Variants in ZNF512B observed in about 807,000 individuals in gnomAD.
The protein encoded by ZNF512B is zinc finger protein 512B.
ZNF512B carries 22 observed loss-of-function variants against 87.8 expected under a neutral mutation model. That is an observed-to-expected ratio of 0.25 (90% CI 0.18 to 0.36). The LOEUF (loss-of-function observed/expected upper bound fraction) is 0.36, where lower values mean the gene tolerates loss of function less well. ZNF512B is among the 10% of genes least tolerant of loss of function. ZNF512B has a pLI of 1.00. For missense variants in ZNF512B, 1,060 were observed against 1,231.6 expected, an observed-to-expected ratio of 0.86 and a Z score of 2.09; for synonymous variants, 524 against 490.9, an observed-to-expected ratio of 1.07 and a Z score of -0.89.
In ZNF512B at chr20:63,963,128, G is replaced by A. The variant is rs571917111; in HGVS notation, c.1935C>T (p.His645=). Residue 645 remains histidine (H), a synonymous_variant, in exon 12 of 17, where the codon CAC becomes CAT. Transcript: ENST00000369888. ...CGKTYRSKAG[H]DYHVRSEHTA... The stretch of plus-strand genomic sequence containing the variant: ...TGTGCTCCGAGCGCACGTGGTAGTC[G>A]TGGCCAGCCTTGGATCGGTACGTCT... The A allele has an allele frequency of 1.7e-5, 27 of 1,558,808 alleles. No homozygotes were observed. Among genetic ancestry groups the A allele is most frequent in the South Asian group, 1.3e-4 (11 of 85,702 alleles).
In ZNF512B at chr20:63,963,853, G is replaced by A. The variant is rs769202233; in HGVS notation, c.1541C>T (p.Thr514Ile). The change falls in exon 9 of 17, where the codon ACC (threonine) becomes ATC (isoleucine). Residue 514 changes from threonine (T) to isoleucine (I), a missense_variant. By Grantham distance (89) the Thr-to-Ile change is moderately conservative. Coordinates refer to ENST00000369888, the MANE Select transcript of ZNF512B (RefSeq NM_020713.3). ...AGTCTTCCGGGTGACCACGTTGCAG[G>A]TGGGGCAGACGGCTTCCCCGCGCTC... ...IHERGEAVCP[T>I]CNVVTRKTLV... The A allele has an allele frequency of 1.9e-6, 3 of 1,612,760 alleles. No homozygotes were observed. Among genetic ancestry groups the A allele is most frequent in the East Asian group, 2.2e-5 (1 of 44,884 alleles).
intron 10 of ZNF512B, 69 bp downstream of exon 10, chr20:63,963,549 G>A: frequency 6.3e-7 from 1 of 1,599,574 alleles, no homozygotes; most frequent in Admixed American, 1.7e-5. Context: ...AGAAACCGGG[G>A]GCACTGCGGT....
rs1333589803 is a variant in ZNF512B, at chr20:63,963,828, A to G, written c.1566T>C (p.Thr522=). 1 of 1,612,664 alleles carries G rather than the reference A, an allele frequency of 6.2e-7. No individual in the cohort carries two copies. The highest frequency in any genetic ancestry group is 1.3e-5 in the African/African-American group (1 of 74,908). Residue 522 remains threonine, a synonymous_variant, in exon 9 of 17, where the codon ACT becomes ACC. Coordinates refer to ENST00000369888, the MANE Select transcript of ZNF512B (RefSeq NM_020713.3). ...CPTCNVVTRK[T]LVGLKKHMEV... ...CCATGTGCTTCTTAAGCCCCACGAG[A>G]GTCTTCCGGGTGACCACGTTGCAGG...
In ZNF512B at chr20:63,961,158, G is replaced by C; in HGVS notation, c.2427+151C>G. 1.4e-6 allele frequency: 1 copy of C among 708,700 alleles called. No homozygotes were observed. 43.9% of individuals were successfully genotyped at this position (708,700 alleles called of 1,614,324 possible). On this transcript the variant is annotated intron_variant, in intron 16 of 16. Coordinates refer to ENST00000369888, the MANE Select transcript of ZNF512B (RefSeq NM_020713.3). This position sits in a 1 kb window ranked among gnomAD's most constrained non-coding sequence, Gnocchi z 6.4. ...CAGGGAAGCCAGACCCCACTTTGAG[G>C]AGAAACTACCAGATTTCTCCACATT...
chr20:63,964,449 C>T (rs371931420), intron 6 of ZNF512B, 41 bp downstream of exon 6: 26 of 1,613,314 alleles, frequency 1.6e-5, no homozygotes, highest in Middle Eastern at 1.6e-4. Context: ...GTCAGGAGGC[C>T]GAGCCTGCCC....
At chr20:63,967,649 C>T in intron 2 of ZNF512B, 126 bp from the exon 3 acceptor site, 1 of 1,484,526 alleles carries the variant, frequency 6.7e-7, no homozygotes, top group Non-Finnish European at 9.0e-7. Flanking sequence ...CTGCGGCCAG[C>T]TGAGGACAAG....
rs140273033 is a variant in ZNF512B at position 63,960,116 on chromosome 20, G to T, written c.2451C>A (p.Asp817Glu). ...HAENWFRTSA[D>E]PPPKHRSQDS... ...CCTGGCTCCTGTGTTTGGGAGGTGGGTCTGCTGATGTTCGGAACCAGTTCT... is the reference window on the plus strand; with the variant it reads ...CCTGGCTCCTGTGTTTGGGAGGTGGTTCTGCTGATGTTCGGAACCAGTTCT... The change falls in exon 17 of 17, where the codon GAC becomes GAA. Residue 817 changes from aspartate (D) to glutamate (E), a missense_variant. This residue lies in a region of ZNF512B where 253 missense variants were observed against 259.2 expected (regional missense o/e 0.98). Coordinates refer to ENST00000369888, the MANE Select transcript of ZNF512B (RefSeq NM_020713.3). The T allele has an allele frequency of 3.1e-6, 5 of 1,613,790 alleles. No homozygotes were observed. The South Asian group carries it at 3.3e-5, about 11-fold the overall frequency.
chr20:63,960,183 G>A (rs1368057991), intron 16 of ZNF512B, 44 bp from the exon 17 acceptor site: 8 of 1,606,524 alleles, frequency 5.0e-6, no homozygotes, highest in East Asian at 2.2e-5. Context: ...ACTGGATGCT[G>A]AGCACCTGAG....
chr20:63,966,670 G>A lies in ZNF512B; in HGVS notation c.505C>T (p.Pro169Ser), dbSNP rs1214986207. ...RIWNHMDRPL[P>S]ASKPGPISRP... is the part of the protein sequence containing the mutation. ...CTGATGGGCCCAGGCTTGGAGGCAG[G>A]CAGGGGTCGGTCCATGTGGTTCCAG... is the stretch of plus-strand genomic sequence containing the variant. The change falls in exon 5 of 17, where the codon CCT (proline) becomes TCT (serine). Residue 169 changes from proline (P) to serine (S), a missense_variant. Around this residue, in one of 9 missense-constraint regions of ZNF512B, gnomAD observed 201 missense variants for 226.8 expected, o/e 0.89. Transcript: ENST00000369888. 1 of 1,613,098 alleles carries A rather than the reference G, an allele frequency of 6.2e-7. No individual in the cohort carries two copies. Among genetic ancestry groups the A allele is most frequent in the South Asian group, 1.1e-5 (1 of 91,062 alleles).
Position 63,966,286 on chromosome 20 carries a change from T to G in ZNF512B, c.889A>C (p.Ser297Arg). 1 of 1,612,776 alleles carries G rather than the reference T, an allele frequency of 6.2e-7. No homozygotes were observed. Among genetic ancestry groups the G allele is most frequent in the Non-Finnish European group, 8.5e-7 (1 of 1,179,282 alleles). ...GGCTTGCTGACCACAATGGGCCTGC[T>G]GACTGTCACTGGCTTGGTGACCGGC... ...PVPVTKPVTVSRPIVVSKPVT... is the reference protein window; with the variant it reads ...PVPVTKPVTVRRPIVVSKPVT... Residue 297 changes from serine to arginine, a missense_variant, in exon 5 of 17, where the codon AGC (serine) becomes CGC (arginine). Coordinates refer to ENST00000369888, the MANE Select transcript of ZNF512B (RefSeq NM_020713.3).
intron 2 of ZNF512B, 103 bp from the exon 3 acceptor site, chr20:63,967,626 C>G (rs1317526189): frequency 2.0e-6 from 3 of 1,495,380 alleles, no homozygotes; most frequent in Non-Finnish European, 2.7e-6. Flanking sequence ...CACGAGGGCA[C>G]CGGGGGCAGG....
rs540039560 is a variant in ZNF512B, at chr20:63,966,155, G to A, written c.1020C>T (p.Asn340=). ...AGCCCCCATACCTTTTCTTACCACT[G>A]TTCCTCCCTGTGGCACGAGGTGCTT... ...ENKAPRATGR[N]SGKKRAADSL... is the part of the protein sequence containing the mutation. Residue 340 remains asparagine (N), a synonymous_variant, in exon 5 of 17, where the codon AAC becomes AAT. Coordinates refer to ENST00000369888, the MANE Select transcript of ZNF512B (RefSeq NM_020713.3). 1 of 1,602,320 alleles carries A rather than the reference G, an allele frequency of 6.2e-7. No individual in the cohort carries two copies. The highest frequency in any genetic ancestry group is 1.1e-5 in the South Asian group (1 of 90,534).
intron 12 of ZNF512B, 29 bp downstream of exon 12, chr20:63,963,066 A>G (rs1173284751): frequency 1.3e-6 from 2 of 1,523,780 alleles, no homozygotes; most frequent in East Asian, 2.4e-5. Flanking sequence ...AGGAACAAGC[A>G]CTGTGCCACA....
chr20:63,968,092 G>A (rs1470343057), intron 1 of ZNF512B, 140 bp from the exon 2 acceptor site: 1 of 1,134,802 alleles, frequency 8.8e-7, no homozygotes, highest in African/African-American at 1.6e-5. Flanking sequence ...TTGTTCACGT[G>A]GGAAAAGCAA....
chr20:63,963,195 C>T lies in ZNF512B; in HGVS notation c.1868G>A (p.Cys623Tyr). The T allele has an allele frequency of 6.5e-7, 1 of 1,547,450 alleles. No homozygotes were observed. The highest frequency in any genetic ancestry group is 8.7e-7 in the Non-Finnish European group (1 of 1,150,822). ...GGGGAAGGAGGGGCTGTCCACCTCG[C>T]AGGGCGGCTTCCCGCAGCGCCGCTG... is the stretch of plus-strand genomic sequence containing the variant. The part of the protein sequence containing the change: ...YHQRRCGKPP[C>Y]EVDSPSFPCT... Residue 623 changes from cysteine (C) to tyrosine (Y), a missense_variant, in exon 12 of 17, where the codon TGC becomes TAC. Around this residue, in one of 9 missense-constraint regions of ZNF512B, gnomAD observed 165 missense variants for 173.0 expected, o/e 0.95. Transcript: ENST00000369888.
Position 63,966,233 on chromosome 20 carries a change from G to A in ZNF512B, c.942C>T (p.Ile314=). The stretch of plus-strand genomic sequence containing the variant: ...TTTTGCAGGGCGGTGTGTGTCTGCT[G>A]ATAGCAATGGGCCTGCTGACTGTCA... ...KPVTVSRPIA[I]SRHTPPCKMV... is the part of the protein sequence containing the mutation. Residue 314 remains isoleucine, a synonymous_variant, in exon 5 of 17, where the codon ATC becomes ATT. Coordinates refer to ENST00000369888, the MANE Select transcript of ZNF512B (RefSeq NM_020713.3). 6.2e-7 allele frequency: 1 copy of A among 1,614,016 alleles called. No individual in the cohort carries two copies.
At position 63,960,107 on chromosome 20, in the gene ZNF512B, G is replaced by C. The variant is rs45570933; in HGVS notation, c.2460C>G (p.Pro820=). ...NWFRTSADPP[P]KHRSQDSLVP... ...CCAATGAGTCCTGGCTCCTGTGTTT[G>C]GGAGGTGGGTCTGCTGATGTTCGGA... The change falls in exon 17 of 17, where the codon CCC becomes CCG. Residue 820 remains proline (P), a synonymous_variant. Coordinates refer to ENST00000369888, the MANE Select transcript of ZNF512B (RefSeq NM_020713.3). 1 of 1,613,868 alleles carries C rather than the reference G, an allele frequency of 6.2e-7. No individual in the cohort carries two copies.
At position 63,957,768 on chromosome 20, in the gene ZNF512B, C is replaced by T. The variant is rs575380024; in HGVS notation, c.*2120G>A. 1 of 152,534 alleles carries T rather than the reference C, an allele frequency of 6.6e-6. No individual in the cohort carries two copies. The highest frequency in any genetic ancestry group is 2.4e-5 in the African/African-American group (1 of 41,544). 9.4% of individuals were successfully genotyped at this position (152,534 alleles called of 1,614,324 possible). On this transcript the variant is annotated 3_prime_UTR_variant, in exon 17 of 17. Transcript: ENST00000369888. The stretch of plus-strand genomic sequence containing the variant: ...TGCAGGTGTTCAGGTCCACCCTCCT[C>T]CCGCCATTGGTGGCAAGGACAAAGT...
intron 10 of ZNF512B, 86 bp downstream of exon 10, chr20:63,963,532 C>A (rs933342992): frequency 2.6e-5 from 41 of 1,593,278 alleles, no homozygotes; most frequent in Middle Eastern, 4.2e-4. Context: ...CACCGTTGTC[C>A]GAGGTTAGAA....
Sources: gnomAD v4.1 joint callset for allele counts on GRCh38, gnomAD v4.1.1 for gene constraint, gnomAD v4.1.1 regional missense constraint, Gnocchi (gnomAD v3.1) non-coding constraint, MANE v1.5 for transcripts, NCBI Gene and HGNC (gene_info 2026-07-23, HGNC 2026-07-21) for gene names.